Variants in UPF2 observed in about 807,000 individuals in gnomAD.
UPF2 encodes the protein regulator of nonsense transcripts 2.
UPF2 carries 17 observed loss-of-function variants against 141.4 expected under a neutral mutation model. The observed-to-expected ratio is 0.12, with a 90% CI of 0.08 to 0.18. The LOEUF (loss-of-function observed/expected upper bound fraction) is 0.18, where lower values mean the gene tolerates loss of function less well. UPF2 is among the 10% of genes least tolerant of loss of function. The pLI is 1.00. For missense variants in UPF2, 1,152 were observed against 1,515.9 expected (o/e 0.76, Z 3.99); for synonymous variants, 540 against 498.0 (o/e 1.08, Z -1.12).
In UPF2 at chr10:11,998,308, A is replaced by C. The variant is rs1022806003; in HGVS notation, c.1759-551T>G. On this transcript the variant is annotated intron_variant, in intron 7 of 21. Coordinates refer to ENST00000357604, the MANE Select transcript of UPF2 (RefSeq NM_015542.4). The surrounding 1 kb of genome is among the most constrained non-coding windows in gnomAD (Gnocchi z 4.5). ...AACTGACAGAGGAGAATTCTTCCAA[A>C]AGAAACTCAACTGTCTTCAATCCCC... is the stretch of plus-strand genomic sequence containing the variant. Among the ~76,000 whole-genome samples, 3 of 152,140 alleles carry C rather than the reference A, an allele frequency of 2.0e-5. No individual in the cohort carries two copies. Among genetic ancestry groups the C allele is most frequent in the Non-Finnish European group, 2.9e-5 (2 of 68,022 alleles).
rs918956609 is a variant in UPF2 at position 11,928,703 on chromosome 10, C to T, written c.3809+1162G>A. 43 of 338,828 alleles carry T rather than the reference C, an allele frequency of 1.3e-4. 1 individual carries two copies. The highest frequency in any genetic ancestry group is 1.2e-3 in the Admixed American group (32 of 26,576). The allele number at this position is 338,828 out of a possible 1,614,324, so 21.0% of individuals were successfully genotyped here. On this transcript the variant is annotated intron_variant, in intron 21 of 21. Coordinates refer to ENST00000357604, the MANE Select transcript of UPF2 (RefSeq NM_015542.4). ...CAGCCTGGGCGACAGAGCCAGACTC[C>T]GCCTCAGAAAAAAAAAAAACTAAAA... is the stretch of plus-strand genomic sequence containing the variant.
rs1272597089 is a variant in UPF2 at position 11,979,594 on chromosome 10, C to T, written c.1845-429G>A. Among the ~76,000 whole-genome samples the T allele has an allele frequency of 6.6e-6, 1 of 152,064 alleles. No homozygotes were observed. ...ATCTCAGGGTAAGTTATTTGGAAAC[C>T]TCAAGGTCTAAAGTAAAAAGGTAAT... On this transcript the variant is annotated intron_variant, in intron 8 of 21. Coordinates refer to ENST00000357604, the MANE Select transcript of UPF2 (RefSeq NM_015542.4). This position sits in a 1 kb window ranked among gnomAD's most constrained non-coding sequence, Gnocchi z 6.2.
intron 3 of UPF2, among the ~76,000 whole-genome samples, chr10:12,023,447 G>A (rs1834351636): frequency 6.7e-6 from 1 of 150,314 alleles, no homozygotes; most frequent in Admixed American, 6.7e-5. Context: ...GGCCGAGGCG[G>A]GAAGATCATG....
chr10:11,981,316 T>C (rs1226161385), intron 8 of UPF2, among the ~76,000 whole-genome samples: 1 of 152,222 alleles, frequency 6.6e-6, no homozygotes, highest in Non-Finnish European at 1.5e-5. Flanking sequence ...ACTAATGTGC[T>C]GGGCCCTGTC....
rs202183189 is a variant in UPF2, at chr10:11,956,313, T to C, written c.2574+7A>G. The C allele has an allele frequency of 2.0e-4, 315 of 1,613,684 alleles. No individual in the cohort carries two copies. Among genetic ancestry groups the C allele is most frequent in the East Asian group, 2.9e-4 (13 of 44,876 alleles). On this transcript the variant is annotated splice_region_variant and intron_variant, in intron 13 of 21. Transcript: ENST00000357604. The surrounding 1 kb of genome is among the most constrained non-coding windows in gnomAD (Gnocchi z 4.2). ...AGTTGTGTGACATTAAAGGAAGTCT[T>C]GTTTACCTCCATTCCTAATCGAATA...
At chr10:11,996,312 T>G (rs973741193) in intron 8 of UPF2, among the ~76,000 whole-genome samples, 51 of 151,862 alleles carry the variant, frequency 3.4e-4, no homozygotes, top group African/African-American at 1.2e-3. Flanking sequence ...AATACTTGCA[T>G]CTTTTTTTAA....
rs567701021 is a variant in UPF2, at chr10:11,962,448, C to G, written c.2184+1561G>C. 1.1e-4 allele frequency among the ~76,000 whole-genome samples: 17 copies of G among 152,234 alleles called. No individual in the cohort carries two copies. The South Asian group carries it at 3.5e-3, about 32-fold the overall frequency. On this transcript the variant is annotated intron_variant, in intron 11 of 21. Transcript: ENST00000357604. Reference sequence around the variant, plus strand: ...CTTAGGGTACTTCCTGCTTCCTCATCCCTTATATCTCACCACCAAGTCTCC... The same window carrying G: ...CTTAGGGTACTTCCTGCTTCCTCATGCCTTATATCTCACCACCAAGTCTCC...
intron 3 of UPF2, among the ~76,000 whole-genome samples, chr10:12,021,021 C>T (rs920977592): frequency 3.9e-5 from 6 of 152,042 alleles, no homozygotes; most frequent in African/African-American, 1.2e-4. Flanking sequence ...AAATATTGAG[C>T]GGCTAACATG....
At chr10:11,941,324 G>T (rs1333879120) in intron 18 of UPF2, among the ~76,000 whole-genome samples, 1 of 152,098 alleles carries the variant, frequency 6.6e-6, no homozygotes, top group Non-Finnish European at 1.5e-5. Context: ...TTATTTGATT[G>T]CTTGCGCTCC....
intron 21 of UPF2, among the ~76,000 whole-genome samples, chr10:11,923,624 G>A (rs915672863): frequency 2.0e-5 from 3 of 147,084 alleles, no homozygotes; most frequent in Non-Finnish European, 4.5e-5. Flanking sequence ...AGGTTGCAGT[G>A]AGCAGAGATC....
At chr10:12,039,608 G>GTCTC (rs202148909) in intron 1 of UPF2, among the ~76,000 whole-genome samples, 1 of 146,954 alleles carries the variant, frequency 6.8e-6, no homozygotes, top group Non-Finnish European at 1.5e-5. Context: ...TTACAATTAT[G>GTCTC]TCTCTCTCTC....
intron 2 of UPF2, among the ~76,000 whole-genome samples, chr10:12,034,667 T>C (rs573569734): frequency 1.3e-5 from 2 of 152,132 alleles, no homozygotes; most frequent in African/African-American, 4.8e-5. Context: ...TAGCTGGGCA[T>C]GATGGCAGGT....
At chr10:11,972,924 G>C (rs942160418) in intron 9 of UPF2, among the ~76,000 whole-genome samples, 2 of 152,158 alleles carry the variant, frequency 1.3e-5, no homozygotes, top group Non-Finnish European at 2.9e-5. Context: ...CGGTCAAATG[G>C]TATTTCCAGT....
intron 16 of UPF2, among the ~76,000 whole-genome samples, chr10:11,944,187 A>G (rs749056834): frequency 5.9e-5 from 9 of 152,144 alleles, no homozygotes; most frequent in Non-Finnish European, 8.8e-5. Flanking sequence ...AGTTCTTAAA[A>G]TGAAAACGTT....
chr10:11,972,801 G>A (rs558525411), intron 9 of UPF2, among the ~76,000 whole-genome samples: 33 of 152,280 alleles, frequency 2.2e-4, no homozygotes, highest in African/African-American at 7.0e-4. Context: ...CATTTGGGTT[G>A]GTTCCAAGTC....
At chr10:11,932,891 T>G (rs1233989216) in intron 19 of UPF2, among the ~76,000 whole-genome samples, 2 of 152,192 alleles carry the variant, frequency 1.3e-5, no homozygotes, top group Non-Finnish European at 2.9e-5. Context: ...ATATAAATAT[T>G]AATTGCAAAA....
Position 11,959,250 on chromosome 10 carries a change from A to G in UPF2, c.2291T>C (p.Val764Ala). ...CTGGAGAGGAGGACGTTTCTTTTTCACGGTTTTTTCAGCTGGAGGTGGGTT... is the reference window on the plus strand; with the variant it reads ...CTGGAGAGGAGGACGTTTCTTTTTCGCGGTTTTTTCAGCTGGAGGTGGGTT... ...YCNPPPAEKT[V>A]KKKRPPLQEY... is the part of the protein sequence containing the mutation. Residue 764 changes from valine (V) to alanine (A), a missense_variant, in exon 12 of 22, where the codon GTG becomes GCG. By Grantham distance (64) the Val-to-Ala change is moderately conservative. Around this residue, in one of 4 missense-constraint regions of UPF2, gnomAD observed 739 missense variants for 1,032.2 expected, o/e 0.72. Coordinates refer to ENST00000357604, the MANE Select transcript of UPF2 (RefSeq NM_015542.4). This position sits in a 1 kb window ranked among gnomAD's most constrained non-coding sequence, Gnocchi z 5.9. 6.2e-7 allele frequency: 1 copy of G among 1,613,470 alleles called. No homozygotes were observed. Among genetic ancestry groups the G allele is most frequent in the Non-Finnish European group, 8.5e-7 (1 of 1,179,786 alleles).
chr10:11,981,818 T>A (rs1833600555), intron 8 of UPF2, among the ~76,000 whole-genome samples: 1 of 152,216 alleles, frequency 6.6e-6, no homozygotes, highest in Non-Finnish European at 1.5e-5. Context: ...CCCAAGTAGC[T>A]GGGATTACAG....
chr10:11,944,880 C>T (rs913847453), intron 16 of UPF2, among the ~76,000 whole-genome samples: 56 of 152,210 alleles, frequency 3.7e-4, no homozygotes, highest in Non-Finnish European at 8.8e-5. Context: ...GCAAGAGGAA[C>T]AGTGTCGCAA....
Sources: gnomAD v4.1 joint callset for allele counts (sites outside exome capture counted in the v4.1 genomes callset) on GRCh38, gnomAD v4.1.1 for gene constraint, gnomAD v4.1.1 regional missense constraint, Gnocchi (gnomAD v3.1) non-coding constraint, MANE v1.5 for transcripts, NCBI Gene and HGNC (gene_info 2026-07-23, HGNC 2026-07-21) for gene names.